ADAMTSL1: variants seen among roughly 807,000 people sequenced by gnomAD.
The protein encoded by ADAMTSL1 is ADAMTS like 1, also known as ADAMTS-like protein 1.
A neutral mutation model predicts 201.8 loss-of-function variants in ADAMTSL1; 126 were observed. The observed-to-expected ratio is 0.62, with a 90% CI of 0.54 to 0.72. The LOEUF is 0.72. ADAMTSL1 is among the 30% of genes least tolerant of loss of function. The pLI is 0.00. For synonymous variants in ADAMTSL1, 1,121 were observed against 903.4 expected (o/e 1.24, Z -4.32); for missense variants, 2,679 against 2,277.8 (o/e 1.18, Z -3.59).
chr9:18,182,345 C>G (rs1337540121), intron 2 of ADAMTSL1, among the ~76,000 whole-genome samples: 2 of 151,082 alleles, frequency 1.3e-5, no homozygotes, highest in Non-Finnish European at 2.9e-5. Flanking sequence ...CTAAAAACTA[C>G]TTAATTGTAT....
At chr9:18,569,253 A>G (rs1822141768) in intron 3 of ADAMTSL1, among the ~76,000 whole-genome samples, 1 of 152,208 alleles carries the variant, frequency 6.6e-6, no homozygotes, top group Non-Finnish European at 1.5e-5. Context: ...GCAGAACTCC[A>G]TGGACTTTAT....
intron 1 of ADAMTSL1, among the ~76,000 whole-genome samples, chr9:18,084,074 T>C (rs1429643774): frequency 6.6e-6 from 1 of 152,202 alleles, no homozygotes; most frequent in African/African-American, 2.4e-5. Context: ...CCATTTCCCA[T>C]TGTAGACAAG....
intron 4 of ADAMTSL1, among the ~76,000 whole-genome samples, chr9:18,587,343 C>T (rs1483474730): frequency 6.6e-6 from 1 of 151,950 alleles, no homozygotes; most frequent in Non-Finnish European, 1.5e-5. Context: ...AGCCAACAAG[C>T]ATATAAAAAA....
intron 2 of ADAMTSL1, among the ~76,000 whole-genome samples, chr9:18,252,941 T>G (rs1373635693): frequency 6.6e-6 from 1 of 152,226 alleles, no homozygotes; most frequent in Non-Finnish European, 1.5e-5. Flanking sequence ...CTATGTTTAT[T>G]ACCTCATTAT....
At chr9:17,926,840 G>A (rs1365440202) in intron 1 of ADAMTSL1, among the ~76,000 whole-genome samples, 1 of 152,128 alleles carries the variant, frequency 6.6e-6, no homozygotes, top group Non-Finnish European at 1.5e-5. Flanking sequence ...CGACATTACA[G>A]TGAAACCACT....
intron 5 of ADAMTSL1, among the ~76,000 whole-genome samples, chr9:18,625,742 TC>T (rs1322832671): frequency 6.6e-6 from 1 of 152,236 alleles, no homozygotes; most frequent in African/African-American, 2.4e-5. Flanking sequence ...CTATTTGCTA[TC>T]AATTTGATAT....
At chr9:18,341,735 A>G (rs760271912) in intron 2 of ADAMTSL1, among the ~76,000 whole-genome samples, 1 of 152,164 alleles carries the variant, frequency 6.6e-6, no homozygotes, top group South Asian at 2.1e-4. Context: ...CCCTAAATTC[A>G]TTATAGTTTT....
At chr9:18,042,047 G>A (rs1359218267) in intron 1 of ADAMTSL1, among the ~76,000 whole-genome samples, 1 of 150,396 alleles carries the variant, frequency 6.6e-6, no homozygotes, top group Non-Finnish European at 1.5e-5. Flanking sequence ...CGTGCATGAA[G>A]TGCCAAAATT....
chr9:18,560,142 G>C (rs922813622), intron 3 of ADAMTSL1, among the ~76,000 whole-genome samples: 4 of 151,992 alleles, frequency 2.6e-5, no homozygotes, highest in Non-Finnish European at 5.9e-5. Flanking sequence ...ATTGGCTGTG[G>C]GTTTTTCATA....
chr9:18,291,716 T>TTC (rs766379106), intron 2 of ADAMTSL1, among the ~76,000 whole-genome samples: 4,811 of 114,350 alleles, frequency 0.042, 116 homozygotes, highest in African/African-American at 0.073. Flanking sequence ...CTCTCTCTCT[T>TTC]TCTCTCTCTC....
chr9:18,014,127 A>T (rs1245045046), intron 1 of ADAMTSL1, among the ~76,000 whole-genome samples: 1 of 151,924 alleles, frequency 6.6e-6, no homozygotes, highest in African/African-American at 2.4e-5. Context: ...TTCACATCCT[A>T]TTTGTGATCT....
intron 20 of ADAMTSL1, among the ~76,000 whole-genome samples, chr9:18,816,117 AC>A (rs1823833178): frequency 1.3e-5 from 2 of 152,164 alleles, no homozygotes; most frequent in South Asian, 4.1e-4. Context: ...GTGCCTCTTG[AC>A]CAATCTCTCG....
intron 9 of ADAMTSL1, among the ~76,000 whole-genome samples, chr9:18,674,708 C>A (rs945279039): frequency 7.9e-5 from 12 of 152,024 alleles, no homozygotes; most frequent in Non-Finnish European, 1.5e-5. Flanking sequence ...TAAATAGATG[C>A]ATCCATCTAT....
intron 2 of ADAMTSL1, among the ~76,000 whole-genome samples, chr9:18,338,514 A>G (rs1835340520): frequency 6.6e-6 from 1 of 151,918 alleles, no homozygotes; most frequent in African/African-American, 2.4e-5. Flanking sequence ...TGGCATAATC[A>G]TTGCTCACTG....
rs1830486187 is a variant in ADAMTSL1 at position 18,227,782 on chromosome 9, T to C, written c.207+63801T>C. On this transcript the variant is annotated intron_variant, in intron 2 of 29. Transcript: ENST00000680146. The stretch of plus-strand genomic sequence containing the variant: ...ACTCCCCTAGTGCCTCATATGGTAT[T>C]ATGTTATAATACATCATATCATCAT... Among the ~76,000 whole-genome samples the C allele has an allele frequency of 2.6e-5, 4 of 152,138 alleles. No individual in the cohort carries two copies. In the South Asian group the frequency reaches 8.3e-4, roughly 32 times the overall value.
chr9:18,649,012 C>A (rs1482738755), intron 7 of ADAMTSL1, among the ~76,000 whole-genome samples: 1 of 152,194 alleles, frequency 6.6e-6, no homozygotes, highest in African/African-American at 2.4e-5. Context: ...CTCCCCATCA[C>A]TTTCAGGTAC....
intron 1 of ADAMTSL1, among the ~76,000 whole-genome samples, chr9:18,099,636 CTTT>C (rs35621900): frequency 0.048 from 6,384 of 133,896 alleles, 349 homozygotes; most frequent in African/African-American, 0.16. Context: ...CTCTCTCTCC[CTTT>C]TTTTTTTTTT....
At chr9:18,560,475 T>G (rs936457938) in intron 3 of ADAMTSL1, among the ~76,000 whole-genome samples, 1 of 152,130 alleles carries the variant, frequency 6.6e-6, no homozygotes, top group Non-Finnish European at 1.5e-5. Context: ...TTTTCTTTTT[T>G]GTTGTTGTTT....
chr9:18,307,011 C>A lies in ADAMTSL1; in HGVS notation c.207+143030C>A, dbSNP rs560764901. 7.9e-5 allele frequency among the ~76,000 whole-genome samples: 12 copies of A among 152,300 alleles called. No homozygotes were observed. In the East Asian group the frequency reaches 2.3e-3, roughly 29 times the overall value. On this transcript the variant is annotated intron_variant, in intron 2 of 29. Coordinates refer to the ADAMTSL1 transcript ENST00000680146. ...AGTGGATCTCTCTGCAGAAACCCTA[C>A]AAGCCAGAATAGAGTGGGGGCCAAT...
Sources: gnomAD v4.1 joint callset for allele counts (sites outside exome capture counted in the v4.1 genomes callset) on GRCh38, gnomAD v4.1.1 for gene constraint, MANE v1.5 for transcripts, NCBI Gene and HGNC (gene_info 2026-07-23, HGNC 2026-07-21) for gene names.